Variants in ZRANB1 observed in about 807,000 individuals in gnomAD.
The protein encoded by ZRANB1 is ubiquitin thioesterase ZRANB1.
In ZRANB1, 16 loss-of-function variants were observed where a neutral mutation model predicts 80.5. The observed-to-expected ratio is 0.20, with a 90% CI of 0.13 to 0.30. ZRANB1 has a LOEUF of 0.30. Among genes scored for constraint, ZRANB1 ranks in the 10% least tolerant of loss-of-function variants. The pLI is 1.00. For missense variants in ZRANB1, 576 were observed against 862.6 expected, an observed-to-expected ratio of 0.67 and a Z score of 4.16; for synonymous variants, 291 against 293.1, an observed-to-expected ratio of 0.99 and a Z score of 0.07.
At chr10:124,922,518 A>C in the ZRANB1 span, among the ~76,000 whole-genome samples, 1 of 140,428 alleles carries the variant, frequency 7.1e-6, no homozygotes, top group African/African-American at 2.7e-5. Context: ...TTTAAGATGG[A>C]GTCTCTCCCT....
chr10:124,923,929 CCTAT>C, the ZRANB1 span, among the ~76,000 whole-genome samples: 1 of 150,682 alleles, frequency 6.6e-6, no homozygotes, highest in Non-Finnish European at 1.5e-5. Flanking sequence ...GTAGCAAGAC[CCTAT>C]CTCTTACCAA....
chr10:124,916,937 C>G, the ZRANB1 span, among the ~76,000 whole-genome samples: 2 of 151,954 alleles, frequency 1.3e-5, no homozygotes, highest in Non-Finnish European at 2.9e-5. Flanking sequence ...GGGTCCGCAG[C>G]GCCCGCGGCC....
chr10:124,937,799 A>G (rs1211720132), upstream of ZRANB1, among the ~76,000 whole-genome samples: 1 of 152,244 alleles, frequency 6.6e-6, no homozygotes, highest in Non-Finnish European at 1.5e-5. Context: ...TGATATATTT[A>G]GAGACATTAT....
chr10:124,974,492 T>C, intron 5 of ZRANB1, 94 bp downstream of exon 5: 2 of 1,312,472 alleles, frequency 1.5e-6, no homozygotes, highest in Non-Finnish European at 2.1e-6. Flanking sequence ...AGTTATATTT[T>C]CTATGGAAAC....
chr10:124,950,970 C>T (rs1201812876), intron 1 of ZRANB1, among the ~76,000 whole-genome samples: 1 of 151,938 alleles, frequency 6.6e-6, no homozygotes, highest in Non-Finnish European at 1.5e-5. Flanking sequence ...AAGACCATGT[C>T]TTAAAACTTG....
intron 3 of ZRANB1, among the ~76,000 whole-genome samples, chr10:124,972,776 G>GT (rs200331458): frequency 0.013 from 1,829 of 141,666 alleles, 19 homozygotes; most frequent in African/African-American, 0.037. Context: ...TTTTGTTGCT[G>GT]TTTTTTTTTT....
chr10:124,930,759 G>C, the ZRANB1 span, among the ~76,000 whole-genome samples: 2 of 152,200 alleles, frequency 1.3e-5, no homozygotes, highest in Non-Finnish European at 2.9e-5. Context: ...TCATGGCTAT[G>C]TGCAGTGGCT....
In ZRANB1 at chr10:124,942,373, A is replaced by T; in HGVS notation, c.-121A>T. The T allele has an allele frequency of 2.0e-6, 3 of 1,472,510 alleles. No individual in the cohort carries two copies. Among genetic ancestry groups the T allele is most frequent in the Non-Finnish European group, 2.7e-6 (3 of 1,116,222 alleles). 91.2% of individuals were successfully genotyped at this position (1,472,510 alleles called of 1,614,324 possible). ...ATCTTTTGAGAAATTTATATTTTGT[A>T]GGTTGAAGGACTTGCTTTTTGGGCA... On this transcript the variant is annotated 5_prime_UTR_variant, in exon 1 of 9. Transcript: ENST00000359653.
intron 5 of ZRANB1, among the ~76,000 whole-genome samples, chr10:124,979,710 G>C (rs891383806): frequency 3.3e-5 from 5 of 152,090 alleles, no homozygotes; most frequent in Non-Finnish European, 7.4e-5. Context: ...TAAAGTGTGA[G>C]ATGTCCTAAA....
At chr10:124,975,003 T>G (rs1287652623) in intron 5 of ZRANB1, among the ~76,000 whole-genome samples, 1 of 152,176 alleles carries the variant, frequency 6.6e-6, no homozygotes, top group Non-Finnish European at 1.5e-5. Flanking sequence ...TTGCCATCTT[T>G]CCCAGGGTGG....
At chr10:124,938,998 G>A (rs1463809709), upstream of ZRANB1, among the ~76,000 whole-genome samples, 2 of 151,978 alleles carry the variant, frequency 1.3e-5, no homozygotes, top group Non-Finnish European at 2.9e-5. Flanking sequence ...CCAACACAGT[G>A]AAACTCCGTC....
chr10:124,949,523 A>ACAC (rs531718406), intron 1 of ZRANB1, among the ~76,000 whole-genome samples: 19 of 116,834 alleles, frequency 1.6e-4, no homozygotes, highest in African/African-American at 6.4e-4. Context: ...ACACACACAC[A>ACAC]TTTTTTTTTT....
intron 1 of ZRANB1, among the ~76,000 whole-genome samples, chr10:124,954,144 T>G (rs1033965660): frequency 1.5e-5 from 2 of 135,604 alleles, no homozygotes; most frequent in Non-Finnish European, 3.2e-5. Context: ...ATTCCTGTTT[T>G]TTTTTTTTTT....
rs113698662 is a variant in ZRANB1 at position 124,975,716 on chromosome 10, G to A, written c.1427+1318G>A. On this transcript the variant is annotated intron_variant, in intron 5 of 8. Coordinates refer to ENST00000359653, the MANE Select transcript of ZRANB1 (RefSeq NM_017580.3). ...AAATTGTAGATCAAAGCATAATGCA[G>A]TATGGCTGGGGTTTGTGGCTCATGC... 5.0e-3 allele frequency among the ~76,000 whole-genome samples: 761 copies of A among 152,208 alleles called. 4 individuals are homozygous for A. Among genetic ancestry groups the A allele is most frequent in the African/African-American group, 0.015 (620 of 41,546 alleles).
intron 5 of ZRANB1, among the ~76,000 whole-genome samples, chr10:124,975,852 A>C (rs112582632): frequency 1.5e-4 from 23 of 152,278 alleles, no homozygotes; most frequent in African/African-American, 5.5e-4. Context: ...AAATACAAAA[A>C]TTAGCCAGGT....
chr10:124,950,332 C>T (rs1951627370), intron 1 of ZRANB1, among the ~76,000 whole-genome samples: 1 of 152,044 alleles, frequency 6.6e-6, no homozygotes, highest in Admixed American at 6.6e-5. Context: ...CCTTGTTGCC[C>T]AGGCTGGTCT....
chr10:124,946,398 A>G lies in ZRANB1; in HGVS notation c.814+3091A>G, dbSNP rs920827565. 4 of 152,322 alleles carry G rather than the reference A, an allele frequency of 2.6e-5. No homozygotes were observed. The Admixed American group carries it at 2.6e-4, about 10-fold the overall frequency. 9.4% of individuals were successfully genotyped at this position (152,322 alleles called of 1,614,324 possible). ...GCACCATTGCACTGCAGCCTGGGCA[A>G]CAAGAGCAAAACCCTGTCTCAAAAA... On this transcript the variant is annotated intron_variant, in intron 1 of 8. Transcript: ENST00000359653.
At chr10:124,922,492 AT>A in the ZRANB1 span, among the ~76,000 whole-genome samples, 16,996 of 132,058 alleles carry the variant, frequency 0.13, 1,203 homozygotes, top group African/African-American at 0.2. Flanking sequence ...CACCTGGCTA[AT>A]TTTTTTTTTT....
chr10:124,946,934 T>G (rs1951590490), intron 1 of ZRANB1, among the ~76,000 whole-genome samples: 1 of 152,192 alleles, frequency 6.6e-6, no homozygotes, highest in African/African-American at 2.4e-5. Flanking sequence ...AAAATACATC[T>G]CTAAAGTAGT....
Sources: allele counts gnomAD v4.1 joint callset (sites outside exome capture counted in the v4.1 genomes callset), GRCh38; gene constraint gnomAD v4.1.1; transcripts MANE v1.5; gene names NCBI Gene and HGNC (gene_info 2026-07-23, HGNC 2026-07-21).